The following ERO1A variants were observed in gnomAD, a reference collection of about 807,000 sequenced individuals.
The protein encoded by ERO1A is endoplasmic reticulum oxidoreductase 1 alpha.
ERO1A carries 49 observed loss-of-function variants against 76.9 expected under a neutral mutation model. The observed-to-expected ratio is 0.64, with a 90% CI of 0.51 to 0.81. ERO1A has a LOEUF of 0.81. ERO1A is among the 30% of genes least tolerant of loss of function. The pLI, the probability that ERO1A is intolerant of heterozygous loss-of-function variation, is 0.00. For missense variants in ERO1A, 448 were observed against 542.1 expected, an observed-to-expected ratio of 0.83 and a Z score of 1.72; for synonymous variants, 174 against 181.2, an observed-to-expected ratio of 0.96 and a Z score of 0.32.
At chr14:52,678,694 G>A (rs1005625286) in intron 3 of ERO1A, among the ~76,000 whole-genome samples, 8 of 152,196 alleles carry the variant, frequency 5.3e-5, no homozygotes, top group African/African-American at 1.9e-4. Flanking sequence ...ATTACAGCAA[G>A]GAGATGTAAA....
intron 7 of ERO1A, 69 bp downstream of exon 7, chr14:52,666,306 T>G: frequency 8.9e-7 from 1 of 1,126,280 alleles, no homozygotes; most frequent in East Asian, 2.4e-5. Flanking sequence ...TTTAAATCAT[T>G]ATGATTTTGT....
rs1455468314 is a variant in ERO1A at position 52,671,874 on chromosome 14, A to G, written c.358-3T>C. 1 of 1,578,828 alleles carries G rather than the reference A, an allele frequency of 6.3e-7. No homozygotes were observed. The highest frequency in any genetic ancestry group is 1.8e-5 in the Admixed American group (1 of 56,268). On this transcript the variant is annotated splice_region_variant and splice_polypyrimidine_tract_variant and intron_variant, in intron 4 of 15. Transcript: ENST00000395686. Reference sequence around the variant, plus strand: ...AGATTATTGGCTTCTTCAGAATACTAAAATGAAAAAGGGAATAAATAGATA... The same window carrying G: ...AGATTATTGGCTTCTTCAGAATACTGAAATGAAAAAGGGAATAAATAGATA...
Position 52,653,265 on chromosome 14 carries a change from G to T in ERO1A, c.859C>A (p.Arg287=). Residue 287 remains arginine, a synonymous_variant, in exon 12 of 16, where the codon CGA becomes AGA. Transcript: ENST00000395686. ...WGHNITEFQQ[R]FDGILTEGEG... ...CCTTCAGTCAAAATTCCATCAAATCGCTGTTGAAATTCTGTAATGTTGTGT... is the reference window on the plus strand; with the variant it reads ...CCTTCAGTCAAAATTCCATCAAATCTCTGTTGAAATTCTGTAATGTTGTGT... The T allele has an allele frequency of 1.2e-6, 2 of 1,612,030 alleles. No individual in the cohort carries two copies. The highest frequency in any genetic ancestry group is 2.2e-5 in the South Asian group (2 of 90,842).
rs1314012390 is a variant in ERO1A at position 52,658,017 on chromosome 14, A to G, written c.716-8T>C. ...TTTTTTCTACACAGAGACCTAAGAA[A>G]AAGCAGTGACTTAGAAATAAAATTT... On this transcript the variant is annotated splice_polypyrimidine_tract_variant and splice_region_variant and intron_variant, in intron 10 of 15. Transcript: ENST00000395686. 1 of 1,591,204 alleles carries G rather than the reference A, an allele frequency of 6.3e-7. No homozygotes were observed. The highest frequency in any genetic ancestry group is 8.6e-7 in the Non-Finnish European group (1 of 1,163,638).
intron 6 of ERO1A, among the ~76,000 whole-genome samples, chr14:52,668,501 C>T (rs1386743926): frequency 6.6e-6 from 1 of 151,776 alleles, no homozygotes; most frequent in African/African-American, 2.4e-5. Flanking sequence ...GCTGAGATCA[C>T]ACCATTGCAC....
rs58558732 is a variant in ERO1A at position 52,643,211 on chromosome 14, T to C, written c.*359A>G. Reference sequence around the variant, plus strand: ...TCCTTAGCATTTTCCTATTAAATGCTTGTCACATTTACCATAGTTTTATTT... The same window carrying C: ...TCCTTAGCATTTTCCTATTAAATGCCTGTCACATTTACCATAGTTTTATTT... On this transcript the variant is annotated 3_prime_UTR_variant, in exon 16 of 16. Coordinates refer to ENST00000395686, the MANE Select transcript of ERO1A (RefSeq NM_014584.3). 8,027 of 156,884 alleles carry C rather than the reference T, an allele frequency of 0.051. 701 individuals are homozygous for C. The highest frequency in any genetic ancestry group is 0.18 in the African/African-American group (7,591 of 41,784). The allele number at this position is 156,884 out of a possible 1,614,324, so 9.7% of individuals were successfully genotyped here. A position where few individuals can be genotyped will look rare whatever the true frequency, so the allele number is the denominator to read the frequency against.
chr14:52,646,530 G>A, intron 13 of ERO1A, 69 bp from the exon 14 acceptor site: 3 of 1,213,880 alleles, frequency 2.5e-6, no homozygotes, highest in Non-Finnish European at 3.6e-6. Flanking sequence ...TTTCTGAGCA[G>A]GTTCTATGTG....
chr14:52,693,468 G>A (rs750839183), intron 1 of ERO1A, among the ~76,000 whole-genome samples: 4 of 152,088 alleles, frequency 2.6e-5, no homozygotes, highest in Non-Finnish European at 5.9e-5. Flanking sequence ...GGGACCTTGT[G>A]ATCATGTGAA....
intron 4 of ERO1A, 55 bp downstream of exon 4, chr14:52,678,379 G>A: frequency 6.7e-7 from 1 of 1,485,484 alleles, no homozygotes; most frequent in Non-Finnish European, 9.3e-7. Context: ...ACGGAAATGG[G>A]TTTTTCAAGT....
At chr14:52,682,153 G>A (rs775403611) in intron 3 of ERO1A, among the ~76,000 whole-genome samples, 172 bp downstream of exon 3, 8 of 152,242 alleles carry the variant, frequency 5.3e-5, no homozygotes, top group Admixed American at 2.0e-4. Flanking sequence ...CAGCACTCTG[G>A]GAGGCTAAGG....
chr14:52,672,730 C>A (rs556506831), intron 4 of ERO1A, among the ~76,000 whole-genome samples: 2 of 150,002 alleles, frequency 1.3e-5, no homozygotes, highest in South Asian at 4.2e-4. Context: ...TATAATCTTA[C>A]CACTGCATTC....
chr14:52,667,975 G>T lies in ERO1A; in HGVS notation c.509-1480C>A, dbSNP rs965779472. On this transcript the variant is annotated intron_variant, in intron 6 of 15. Coordinates refer to ENST00000395686, the MANE Select transcript of ERO1A (RefSeq NM_014584.3). ...AAAACAAAAAAAAACCCTAAGCTTGGTTATTTTTTACTCCAATTCACAGTA... is the reference window on the plus strand; with the variant it reads ...AAAACAAAAAAAAACCCTAAGCTTGTTTATTTTTTACTCCAATTCACAGTA... Among the ~76,000 whole-genome samples, 4 of 151,340 alleles carry T rather than the reference G, an allele frequency of 2.6e-5. No individual in the cohort carries two copies. In the East Asian group the frequency reaches 7.7e-4, roughly 29 times the overall value.
At chr14:52,681,549 C>T (rs1035767199) in intron 3 of ERO1A, among the ~76,000 whole-genome samples, 3 of 151,874 alleles carry the variant, frequency 2.0e-5, no homozygotes, top group African/African-American at 7.3e-5. Flanking sequence ...GTTGCAGTGA[C>T]CTGAGATCAT....
At chr14:52,680,547 A>G (rs1334401255) in intron 3 of ERO1A, among the ~76,000 whole-genome samples, 1 of 152,210 alleles carries the variant, frequency 6.6e-6, no homozygotes, top group East Asian at 1.9e-4. Flanking sequence ...AGCTCATTTA[A>G]TGAACAAGTA....
intron 6 of ERO1A, 155 bp downstream of exon 6, chr14:52,671,475 G>C (rs959521770): frequency 9.1e-6 from 5 of 548,288 alleles, no homozygotes; most frequent in Non-Finnish European, 1.3e-5. Context: ...GCCCAGTCTG[G>C]ATTCAAATAC....
intron 4 of ERO1A, among the ~76,000 whole-genome samples, chr14:52,673,381 C>T (rs1200407502): frequency 1.3e-5 from 2 of 152,208 alleles, no homozygotes; most frequent in African/African-American, 4.8e-5. Context: ...TGAGCCACCA[C>T]ATCTAGCCAT....
chr14:52,674,489 C>T (rs557811821), intron 4 of ERO1A, among the ~76,000 whole-genome samples: 2 of 152,314 alleles, frequency 1.3e-5, no homozygotes, highest in South Asian at 4.1e-4. Context: ...GCATGAGCCA[C>T]TATGTGCCCA....
chr14:52,691,050 A>G (rs2041337912), intron 1 of ERO1A, among the ~76,000 whole-genome samples: 1 of 152,222 alleles, frequency 6.6e-6, no homozygotes, highest in South Asian at 2.1e-4. Flanking sequence ...TACAGGCGTA[A>G]GCCACCACAC....
intron 1 of ERO1A, among the ~76,000 whole-genome samples, chr14:52,687,411 T>C (rs192298189): frequency 6.6e-6 from 1 of 152,062 alleles, no homozygotes; most frequent in East Asian, 1.9e-4. Context: ...GCCTGGGCAA[T>C]GGGAGTGAGA....
Sources: gnomAD v4.1 joint callset for allele counts (sites outside exome capture counted in the v4.1 genomes callset) on GRCh38, gnomAD v4.1.1 for gene constraint, MANE v1.5 for transcripts, NCBI Gene and HGNC (gene_info 2026-07-23, HGNC 2026-07-21) for gene names.